ZNF638: variants seen among roughly 807,000 people sequenced by gnomAD.
The protein encoded by ZNF638 is zinc finger protein 638, also known as CTCL tumor antigen se33-1.
In ZNF638, 46 loss-of-function variants were observed where a neutral mutation model predicts 195.6. The observed-to-expected ratio is 0.24, with a 90% CI of 0.19 to 0.30. The LOEUF is 0.30. ZNF638 is among the 10% of genes least tolerant of loss of function. The pLI, the probability that ZNF638 is intolerant of heterozygous loss-of-function variation, is 1.00. For missense variants in ZNF638, 2,440 were observed against 2,325.3 expected (o/e 1.05, Z -1.01); for synonymous variants, 845 against 772.0 (o/e 1.09, Z -1.57).
intron 9 of ZNF638, 106 bp downstream of exon 9, chr2:71,380,386 A>C: frequency 1.8e-6 from 2 of 1,099,518 alleles, no homozygotes; most frequent in Non-Finnish European, 2.6e-6. Flanking sequence ...CTATAACTAT[A>C]GTTTAAGAGG....
Position 71,368,472 on chromosome 2 carries a change from T to C in ZNF638, c.2086T>C (p.Leu696=), listed in dbSNP as rs41285973. The part of the protein sequence containing the change: ...DGCTEEDVRK[L]FQPFGKVNDV... ...TTGTACTGAAGAAGATGTGAGAAAA[T>C]TATTTCAACCATTTGGGAAAGTGAA... Residue 696 remains leucine (L), a synonymous_variant, in exon 7 of 28, where the codon TTA becomes CTA. Coordinates refer to ENST00000264447, the MANE Select transcript of ZNF638 (RefSeq NM_014497.5). The C allele has an allele frequency of 3.7e-5, 59 of 1,613,496 alleles. No homozygotes were observed. The highest frequency in any genetic ancestry group is 4.7e-5 in the Non-Finnish European group (56 of 1,179,782).
chr2:71,399,032 C>T (rs1367244894), intron 12 of ZNF638, among the ~76,000 whole-genome samples: 1 of 152,100 alleles, frequency 6.6e-6, no homozygotes. Context: ...CTGTCGTTTC[C>T]CTCCATAAAT....
intron 26 of ZNF638, among the ~76,000 whole-genome samples, chr2:71,432,152 C>G (rs746650486): frequency 3.3e-5 from 5 of 152,208 alleles, no homozygotes; most frequent in Non-Finnish European, 7.3e-5. Context: ...GCCCATCATT[C>G]TACCTCTTCT....
At position 71,368,404 on chromosome 2, in the gene ZNF638, A is replaced by G; in HGVS notation, c.2018A>G (p.His673Arg). The change falls in exon 7 of 28, where the codon CAT becomes CGT. Residue 673 changes from histidine to arginine, a missense_variant. Physicochemically the swap from His to Arg is conservative, Grantham distance 29. Transcript: ENST00000264447. ...TAGCTTCGGAAAGAACAGTCATTGC[A>G]TTATGGTTCGGTTCTTCTTATAACT... The part of the protein sequence containing the change: ...QRKLRKEQSL[H>R]YGSVLLITEL... 6.2e-7 allele frequency: 1 copy of G among 1,612,576 alleles called. No individual in the cohort carries two copies. Among genetic ancestry groups the G allele is most frequent in the Non-Finnish European group, 8.5e-7 (1 of 1,179,500 alleles).
Position 71,408,123 on chromosome 2 carries a change from C to T in ZNF638, c.3137C>T (p.Ala1046Val). 1 of 1,603,936 alleles carries T rather than the reference C, an allele frequency of 6.2e-7. No individual in the cohort carries two copies. Among genetic ancestry groups the T allele is most frequent in the Middle Eastern group, 1.7e-4 (1 of 6,006 alleles). ...HHVFISNRNK[A>V]ILQLDSPESA... ...ATAACTTTTTAATCTTCTCCAAAGGCAATTCTTCAGTTAGATAGTCCTGAA... is the reference window on the plus strand; with the variant it reads ...ATAACTTTTTAATCTTCTCCAAAGGTAATTCTTCAGTTAGATAGTCCTGAA... Residue 1046 changes from alanine (A) to valine (V), a missense_variant and splice_region_variant, in exon 20 of 28, where the codon GCA (alanine) becomes GTA (valine). This residue lies in a region of ZNF638 where 1,883 missense variants were observed against 1,739.1 expected (regional missense o/e 1.08). Coordinates refer to ENST00000264447, the MANE Select transcript of ZNF638 (RefSeq NM_014497.5).
rs539499456 is a variant in ZNF638 at position 71,426,562 on chromosome 2, A to G, written c.4693A>G (p.Arg1565Gly). The change falls in exon 24 of 28, where the codon AGG becomes GGG. Residue 1565 changes from arginine to glycine, a missense_variant. Coordinates refer to ENST00000264447, the MANE Select transcript of ZNF638 (RefSeq NM_014497.5). Reference sequence around the variant, plus strand: ...CAAGCAGAATCCACTAAAGGGAAAAAGGAAAGAAACTCTCAAAAATGTTCC... The same window carrying G: ...CAAGCAGAATCCACTAAAGGGAAAAGGGAAAGAAACTCTCAAAAATGTTCC... The part of the protein sequence containing the change: ...QAKQNPLKGK[R>G]KETLKNVPFS... 6.8e-6 allele frequency: 11 copies of G among 1,614,124 alleles called. No individual in the cohort carries two copies. In the African/African-American group the frequency reaches 1.1e-4, roughly 16 times the overall value.
At chr2:71,367,070 T>C (rs1229860132) in intron 6 of ZNF638, among the ~76,000 whole-genome samples, 1 of 152,122 alleles carries the variant, frequency 6.6e-6, no homozygotes, top group Non-Finnish European at 1.5e-5. Flanking sequence ...AGAACTTACA[T>C]TTAGAAGGAT....
intron 10 of ZNF638, among the ~76,000 whole-genome samples, chr2:71,385,072 C>T (rs966824330): frequency 3.9e-5 from 6 of 152,158 alleles, no homozygotes; most frequent in Admixed American, 2.6e-4. Context: ...CAGGCTAATA[C>T]ATCAAATACT....
At chr2:71,386,971 C>G (rs189343370) in intron 10 of ZNF638, among the ~76,000 whole-genome samples, 108 of 152,044 alleles carry the variant, frequency 7.1e-4, no homozygotes, top group African/African-American at 2.5e-3. Context: ...CCTCATCCTC[C>G]TGAGTAGCTG....
chr2:71,390,051 C>A (rs2079739260), intron 10 of ZNF638, among the ~76,000 whole-genome samples: 1 of 152,174 alleles, frequency 6.6e-6, no homozygotes, highest in African/African-American at 2.4e-5. Context: ...TAAGAAGAGG[C>A]AGTGCCCCAC....
intron 8 of ZNF638, chr2:71,379,952 G>C: frequency 4.1e-6 from 1 of 242,318 alleles, no homozygotes; most frequent in South Asian, 1.1e-4. Context: ...TATATATAGG[G>C]TTCAGCACGA....
At chr2:71,385,965 G>A (rs1273233201) in intron 10 of ZNF638, among the ~76,000 whole-genome samples, 1 of 151,916 alleles carries the variant, frequency 6.6e-6, no homozygotes, top group Non-Finnish European at 1.5e-5. Context: ...GGGTCGTATT[G>A]GAAGTATAAA....
At chr2:71,390,804 G>A (rs1016249177) in intron 10 of ZNF638, among the ~76,000 whole-genome samples, 1 of 152,118 alleles carries the variant, frequency 6.6e-6, no homozygotes, top group Non-Finnish European at 1.5e-5. Context: ...AAAATTGTCA[G>A]CACTGGCTAA....
At chr2:71,334,875 T>G (rs1410841943) in intron 1 of ZNF638, among the ~76,000 whole-genome samples, 1 of 150,796 alleles carries the variant, frequency 6.6e-6, no homozygotes, top group Non-Finnish European at 1.5e-5. Context: ...GAGCCGAGAT[T>G]GCGCCACTGC....
intron 20 of ZNF638, among the ~76,000 whole-genome samples, chr2:71,414,796 A>T (rs1232311480): frequency 4.1e-4 from 45 of 109,590 alleles, no homozygotes; most frequent in African/African-American, 1.2e-3. Flanking sequence ...TTTGAGTGAG[A>T]TTCTTAATCC....
At chr2:71,410,132 C>T (rs1321339695) in intron 20 of ZNF638, among the ~76,000 whole-genome samples, 1 of 152,136 alleles carries the variant, frequency 6.6e-6, no homozygotes, top group Admixed American at 6.5e-5. Context: ...TTTTGTTCCT[C>T]TGAAAGGTTT....
At chr2:71,418,569 A>C in intron 20 of ZNF638, 33 bp from the exon 21 acceptor site, 1 of 1,459,182 alleles carries the variant, frequency 6.9e-7, no homozygotes, top group Non-Finnish European at 9.2e-7. Flanking sequence ...ATCCAGTGGA[A>C]TAGCCTCTAA....
intron 10 of ZNF638, 97 bp from the exon 11 acceptor site, chr2:71,396,044 C>T: frequency 1.8e-6 from 2 of 1,114,054 alleles, no homozygotes; most frequent in Non-Finnish European, 2.7e-6. Flanking sequence ...CTGTTTCTTG[C>T]AGGGTTCTTT....
chr2:71,410,374 T>TG (rs1558875884), intron 20 of ZNF638, among the ~76,000 whole-genome samples: 362 of 139,950 alleles, frequency 2.6e-3, no homozygotes, highest in African/African-American at 9.5e-3. Flanking sequence ...TTTTGATTTT[T>TG]TTTTTGTGTG....
Sources: allele counts gnomAD v4.1 joint callset (sites outside exome capture counted in the v4.1 genomes callset), GRCh38; gene constraint gnomAD v4.1.1; regional missense constraint gnomAD v4.1.1; transcripts MANE v1.5; gene names NCBI Gene and HGNC (gene_info 2026-07-23, HGNC 2026-07-21).